Variants in CMTM8 observed in about 807,000 individuals in gnomAD.
The protein encoded by CMTM8 is CKLF like MARVEL transmembrane domain containing 8, also known as CKLF-like MARVEL transmembrane domain-containing protein 8.
Under a neutral mutation model 18.6 loss-of-function variants are expected in CMTM8, and 12 were observed. The observed-to-expected ratio is 0.65, with a 90% CI of 0.41 to 1.05. The LOEUF (loss-of-function observed/expected upper bound fraction) is 1.05. Ranked by LOEUF, CMTM8 falls within the 50% of genes least tolerant of loss-of-function variation. The pLI, the probability that CMTM8 is intolerant of heterozygous loss-of-function variation, is 0.00. For missense variants in CMTM8, 217 were observed against 227.2 expected (o/e 0.95, Z 0.29); for synonymous variants, 87 against 90.6 (o/e 0.96, Z 0.23).
chr3:32,248,217 G>T (rs772582343), intron 1 of CMTM8, among the ~76,000 whole-genome samples: 4 of 152,114 alleles, frequency 2.6e-5, no homozygotes, highest in Non-Finnish European at 5.9e-5. Flanking sequence ...ACAAAAACCT[G>T]GCAGCTGGGA....
rs1353286796 is a variant in CMTM8 at position 32,304,399 on chromosome 3, G to C, written c.148-52974G>C. Reference sequence around the variant, plus strand: ...TCAGCTGTACTTTGATTTGTTGTTGGAGATGGCATGGGGGAAAGGAAAAGT... The same window carrying C: ...TCAGCTGTACTTTGATTTGTTGTTGCAGATGGCATGGGGGAAAGGAAAAGT... On this transcript the variant is annotated intron_variant, in intron 1 of 3. Coordinates refer to ENST00000307526, the MANE Select transcript of CMTM8 (RefSeq NM_178868.5). Among the ~76,000 whole-genome samples, 7 of 152,260 alleles carry C rather than the reference G, an allele frequency of 4.6e-5. No homozygotes were observed. The East Asian group carries it at 9.6e-4, about 21-fold the overall frequency.
chr3:32,315,521 C>G (rs1448725642), intron 1 of CMTM8, among the ~76,000 whole-genome samples: 2 of 152,180 alleles, frequency 1.3e-5, no homozygotes, highest in Non-Finnish European at 1.5e-5. Context: ...ATAGAGGCAT[C>G]ACTGGCCAGG....
intron 1 of CMTM8, among the ~76,000 whole-genome samples, chr3:32,322,458 A>T (rs1007704679): frequency 1.2e-4 from 18 of 152,220 alleles, no homozygotes; most frequent in African/African-American, 4.1e-4. Flanking sequence ...TTTCCCGGTG[A>T]GAGTAATCTC....
At chr3:32,256,583 A>G (rs1419419320) in intron 1 of CMTM8, among the ~76,000 whole-genome samples, 1 of 152,226 alleles carries the variant, frequency 6.6e-6, no homozygotes, top group Non-Finnish European at 1.5e-5. Flanking sequence ...TGGGAGTGTT[A>G]TATACAGGAG....
chr3:32,238,895 C>A lies in CMTM8; in HGVS notation c.-78C>A. On this transcript the variant is annotated 5_prime_UTR_variant, in exon 1 of 4. Coordinates refer to ENST00000307526, the MANE Select transcript of CMTM8 (RefSeq NM_178868.5). ...GCTCCCCTCCCCCGCGCCTGTGTCC[C>A]CAGGGCGCAGGGCCGCGCGTCCAGC... 7.3e-7 allele frequency: 1 copy of A among 1,368,418 alleles called. No homozygotes were observed. The allele number at this position is 1,368,418 out of a possible 1,614,324, so 84.8% of individuals were successfully genotyped here.
chr3:32,341,591 T>C (rs555969197), intron 1 of CMTM8, among the ~76,000 whole-genome samples: 2 of 152,162 alleles, frequency 1.3e-5, no homozygotes, highest in Non-Finnish European at 2.9e-5. Flanking sequence ...GTTTAAAAAC[T>C]TGAGGCCAGG....
At chr3:32,344,102 C>T (rs567674171) in intron 1 of CMTM8, among the ~76,000 whole-genome samples, 4 of 152,356 alleles carry the variant, frequency 2.6e-5, no homozygotes, top group South Asian at 2.1e-4. Context: ...GGTTAGTTCT[C>T]TTCTGGCAGG....
intron 1 of CMTM8, among the ~76,000 whole-genome samples, chr3:32,269,504 A>C (rs1017129930): frequency 6.6e-6 from 1 of 152,194 alleles, no homozygotes; most frequent in Non-Finnish European, 1.5e-5. Context: ...TGCTTTTGTG[A>C]AAGGTGGAAG....
chr3:32,282,806 G>C (rs1472174680), intron 1 of CMTM8, among the ~76,000 whole-genome samples: 1 of 152,032 alleles, frequency 6.6e-6, no homozygotes, highest in Non-Finnish European at 1.5e-5. Context: ...AGCTGCTCTG[G>C]CCCCCTTGCT....
chr3:32,252,110 T>A (rs780989890), intron 1 of CMTM8, among the ~76,000 whole-genome samples: 4 of 152,072 alleles, frequency 2.6e-5, no homozygotes, highest in African/African-American at 7.2e-5. Context: ...ATAAAAAAAA[T>A]TTACCGTCTT....
chr3:32,248,363 T>C (rs983789289), intron 1 of CMTM8, among the ~76,000 whole-genome samples: 1 of 152,094 alleles, frequency 6.6e-6, no homozygotes, highest in Non-Finnish European at 1.5e-5. Context: ...AACTTTCATG[T>C]ATAAGCTTTT....
chr3:32,357,137 G>A (rs1233229046), intron 1 of CMTM8, among the ~76,000 whole-genome samples: 14 of 152,134 alleles, frequency 9.2e-5, no homozygotes, highest in Admixed American at 9.2e-4. Flanking sequence ...CTAGCTACTT[G>A]GGAGGCTAAG....
chr3:32,359,246 G>T (rs1368371073), intron 2 of CMTM8, among the ~76,000 whole-genome samples: 2 of 152,216 alleles, frequency 1.3e-5, no homozygotes, highest in African/African-American at 4.8e-5. Flanking sequence ...GCAGCATTGA[G>T]AGAAGCCATA....
At chr3:32,284,248 G>A (rs926044372) in intron 1 of CMTM8, among the ~76,000 whole-genome samples, 5 of 152,156 alleles carry the variant, frequency 3.3e-5, no homozygotes, top group Non-Finnish European at 7.4e-5. Flanking sequence ...GCGAGACTCC[G>A]TCTCAAAAAT....
intron 2 of CMTM8, among the ~76,000 whole-genome samples, chr3:32,366,910 A>G (rs1697049164): frequency 6.6e-6 from 1 of 152,220 alleles, no homozygotes; most frequent in South Asian, 2.1e-4. Context: ...TGACCTGAAG[A>G]CAGTGTGAGC....
chr3:32,293,409 G>A (rs1393699333), intron 1 of CMTM8, among the ~76,000 whole-genome samples: 1 of 152,164 alleles, frequency 6.6e-6, no homozygotes, highest in Admixed American at 6.5e-5. Context: ...AAATTAGCCA[G>A]GCATGGTGCC....
At chr3:32,323,902 G>A (rs906087195) in intron 1 of CMTM8, among the ~76,000 whole-genome samples, 2 of 152,208 alleles carry the variant, frequency 1.3e-5, no homozygotes, top group South Asian at 2.1e-4. Context: ...GGACTCGAAG[G>A]ATGTTAGCTG....
chr3:32,315,879 A>G (rs1695918267), intron 1 of CMTM8, among the ~76,000 whole-genome samples: 1 of 152,040 alleles, frequency 6.6e-6, no homozygotes, highest in African/African-American at 2.4e-5. Flanking sequence ...GATGCCTCTC[A>G]TTCCCTCTCT....
chr3:32,362,332 C>T (rs1392975894), intron 2 of CMTM8, among the ~76,000 whole-genome samples: 2 of 152,076 alleles, frequency 1.3e-5, no homozygotes, highest in Admixed American at 1.3e-4. Context: ...CGAGAGCCAC[C>T]GCACCTGGCC....
Sources: allele counts gnomAD v4.1 joint callset (sites outside exome capture counted in the v4.1 genomes callset), GRCh38; gene constraint gnomAD v4.1.1; transcripts MANE v1.5; gene names NCBI Gene and HGNC (gene_info 2026-07-23, HGNC 2026-07-21).